HS6ST3: variants seen among roughly 807,000 people sequenced by gnomAD.
The protein encoded by HS6ST3 is heparan sulfate 6-O-sulfotransferase 3.
HS6ST3 carries 12 observed loss-of-function variants against 36.7 expected under a neutral mutation model. That is an observed-to-expected ratio of 0.33 (90% confidence interval 0.21 to 0.53). HS6ST3 has a LOEUF of 0.53. Among genes scored for constraint, HS6ST3 ranks in the 20% least tolerant of loss-of-function variants. The pLI is 0.95. For synonymous variants in HS6ST3, 240 were observed against 257.5 expected (o/e 0.93, Z 0.65); for missense variants, 584 against 640.9 (o/e 0.91, Z 0.96).
chr13:96,146,122 G>A lies in HS6ST3; in HGVS notation c.707+54553G>A, dbSNP rs188741137. ...AGCTTTGTTCTTTTGGCTTAGGATTGTCTTGGCAATGCAGGCTCTTTTTTG... is the reference window on the plus strand; with the variant it reads ...AGCTTTGTTCTTTTGGCTTAGGATTATCTTGGCAATGCAGGCTCTTTTTTG... On this transcript the variant is annotated intron_variant, in intron 1 of 1. Transcript: ENST00000376705. Among the ~76,000 whole-genome samples the A allele has an allele frequency of 7.9e-4, 121 of 152,278 alleles. 2 individuals are homozygous for A. Among genetic ancestry groups the A allele is most frequent in the African/African-American group, 2.8e-3 (117 of 41,566 alleles).
At chr13:96,314,998 A>C (rs1183838095) in intron 1 of HS6ST3, among the ~76,000 whole-genome samples, 1 of 152,172 alleles carries the variant, frequency 6.6e-6, no homozygotes, top group Non-Finnish European at 1.5e-5. Context: ...GAAACTATTA[A>C]ATTTCCCAAG....
At chr13:96,183,392 G>C (rs1043411063) in intron 1 of HS6ST3, among the ~76,000 whole-genome samples, 1 of 152,136 alleles carries the variant, frequency 6.6e-6, no homozygotes, top group African/African-American at 2.4e-5. Flanking sequence ...TGTTCAGTGT[G>C]CCTTAGGGGA....
chr13:96,476,551 C>T (rs1001089708), intron 1 of HS6ST3, among the ~76,000 whole-genome samples: 3 of 152,140 alleles, frequency 2.0e-5, no homozygotes, highest in Non-Finnish European at 2.9e-5. Flanking sequence ...TTAGTAGAGA[C>T]GGGGTTTCAC....
At position 96,837,258 on chromosome 13, in the gene HS6ST3, A is replaced by C. The variant is rs1878950359; in HGVS notation, c.*4060A>C. The C allele has an allele frequency of 6.6e-6, 1 of 152,228 alleles. No individual in the cohort carries two copies. Among genetic ancestry groups the C allele is most frequent in the African/African-American group, 2.4e-5 (1 of 41,460 alleles). The allele number at this position is 152,228 out of a possible 1,614,324, so 9.4% of individuals were successfully genotyped here. ...TTCATCATATGTTTTGCGAAAGATAAGACTAAAATTCATCACTTTGTGTAG... is the reference window on the plus strand; with the variant it reads ...TTCATCATATGTTTTGCGAAAGATACGACTAAAATTCATCACTTTGTGTAG... On this transcript the variant is annotated 3_prime_UTR_variant, in exon 2 of 2. Coordinates refer to ENST00000376705, the MANE Select transcript of HS6ST3 (RefSeq NM_153456.4).
intron 1 of HS6ST3, among the ~76,000 whole-genome samples, chr13:96,637,241 A>T (rs1029275146): frequency 1.3e-5 from 2 of 152,120 alleles, no homozygotes; most frequent in African/African-American, 4.8e-5. Flanking sequence ...ACCTTACCAG[A>T]TTGGTATGAT....
intron 1 of HS6ST3, among the ~76,000 whole-genome samples, chr13:96,732,950 T>C (rs1032092200): frequency 1.3e-5 from 2 of 152,236 alleles, no homozygotes; most frequent in Non-Finnish European, 1.5e-5. Context: ...TTGCTGTTAG[T>C]GTATAGAAAT....
intron 1 of HS6ST3, among the ~76,000 whole-genome samples, chr13:96,698,596 A>G (rs1452320060): frequency 6.6e-6 from 1 of 152,186 alleles, no homozygotes; most frequent in Non-Finnish European, 1.5e-5. Flanking sequence ...CCATTGATCA[A>G]TAAAATGAGA....
At chr13:96,097,756 T>C (rs1379588569) in intron 1 of HS6ST3, among the ~76,000 whole-genome samples, 2 of 152,220 alleles carry the variant, frequency 1.3e-5, no homozygotes, top group East Asian at 1.9e-4. Flanking sequence ...TTGGACAGTG[T>C]TATTTGTTTT....
intron 1 of HS6ST3, among the ~76,000 whole-genome samples, chr13:96,199,384 T>G (rs771406523): frequency 6.6e-6 from 1 of 152,244 alleles, no homozygotes; most frequent in Non-Finnish European, 1.5e-5. Flanking sequence ...ATTACTTTAC[T>G]TTAAAAAGGA....
intron 1 of HS6ST3, among the ~76,000 whole-genome samples, chr13:96,181,262 A>C (rs1292976172): frequency 6.6e-6 from 1 of 152,086 alleles, no homozygotes; most frequent in Non-Finnish European, 1.5e-5. Flanking sequence ...TTTTCCCCCA[A>C]ACTTTCAACT....
chr13:96,730,203 C>A (rs1358256573), intron 1 of HS6ST3, among the ~76,000 whole-genome samples: 1 of 152,180 alleles, frequency 6.6e-6, no homozygotes, highest in African/African-American at 2.4e-5. Flanking sequence ...AGTTGTGGCT[C>A]AAACTGAATC....
chr13:96,235,635 G>A (rs1266369216), intron 1 of HS6ST3, among the ~76,000 whole-genome samples: 5 of 151,916 alleles, frequency 3.3e-5, no homozygotes, highest in Non-Finnish European at 5.9e-5. Flanking sequence ...TAAAGATTTA[G>A]CAATCTCCTC....
rs397773858 is a variant in HS6ST3, at chr13:96,112,578, A to AATATACATAC, written c.707+21014_707+21015insCATACATATA. 9.8e-5 allele frequency among the ~76,000 whole-genome samples: 8 copies of AATATACATAC among 81,248 alleles called. 2 individuals carry two copies. Among genetic ancestry groups the AATATACATAC allele is most frequent in the South Asian group, 8.9e-4 (2 of 2,248 alleles). The allele number at this position is 81,248 out of a possible 152,430, so 53.3% of individuals were successfully genotyped here. On this transcript the variant is annotated intron_variant, in intron 1 of 1. Coordinates refer to ENST00000376705, the MANE Select transcript of HS6ST3 (RefSeq NM_153456.4). ...TAAAACCCCATCTCTAAAATAAATA[A>AATATACATAC]ATATATATATATATATATATATATA...
At position 96,391,463 on chromosome 13, in the gene HS6ST3, C is replaced by T. The variant is rs192902868; in HGVS notation, c.707+299894C>T. ...ATATGCATGTTCTCAGCTGGGATCACACAAAGCAACAGACACTTTGCCTTC... is the reference window on the plus strand; with the variant it reads ...ATATGCATGTTCTCAGCTGGGATCATACAAAGCAACAGACACTTTGCCTTC... On this transcript the variant is annotated intron_variant, in intron 1 of 1. Transcript: ENST00000376705. 4.6e-5 allele frequency among the ~76,000 whole-genome samples: 7 copies of T among 152,300 alleles called. No individual in the cohort carries two copies. The East Asian group carries it at 5.8e-4, about 13-fold the overall frequency.
At chr13:96,681,847 C>G (rs1336490296) in intron 1 of HS6ST3, among the ~76,000 whole-genome samples, 1 of 152,114 alleles carries the variant, frequency 6.6e-6, no homozygotes, top group Admixed American at 6.6e-5. Flanking sequence ...CATGCCTCAT[C>G]TAGAAATCTT....
At chr13:96,342,733 C>G (rs2055136710) in intron 1 of HS6ST3, among the ~76,000 whole-genome samples, 1 of 152,128 alleles carries the variant, frequency 6.6e-6, no homozygotes, top group African/African-American at 2.4e-5. Flanking sequence ...GCTTAATTAT[C>G]AGCTAAAAAT....
Position 96,365,850 on chromosome 13 carries a change from AG to A in HS6ST3, c.707+274282del, listed in dbSNP as rs561249575. Among the ~76,000 whole-genome samples the A allele has an allele frequency of 8.5e-3, 1,294 of 152,330 alleles. 9 individuals carry two copies. The highest frequency in any genetic ancestry group is 0.034 in the South Asian group (165 of 4,834). ...AAAAAAATCGAGATTTTTGTGTTAC[AG>A]TTTCACCACTTACTAGCTGATACAC... is the stretch of plus-strand genomic sequence containing the variant. On this transcript the variant is annotated intron_variant, in intron 1 of 1. Transcript: ENST00000376705.
In HS6ST3 at chr13:96,587,896, G is replaced by A. The variant is rs185438384; in HGVS notation, c.708-244594G>A. 1.3e-3 allele frequency among the ~76,000 whole-genome samples: 200 copies of A among 152,216 alleles called. 1 individual carries two copies. Among genetic ancestry groups the A allele is most frequent in the African/African-American group, 4.6e-3 (190 of 41,548 alleles). On this transcript the variant is annotated intron_variant, in intron 1 of 1. Coordinates refer to ENST00000376705, the MANE Select transcript of HS6ST3 (RefSeq NM_153456.4). ...TTCTAAGCTATGAACACAGGATATC[G>A]TTTCATTTGTTTGTACTATCTTCAA...
At chr13:96,439,202 A>T (rs1594780625) in intron 1 of HS6ST3, among the ~76,000 whole-genome samples, 1 of 152,358 alleles carries the variant, frequency 6.6e-6, no homozygotes, top group African/African-American at 2.4e-5. Context: ...CTATGGTTCT[A>T]GTTCTAGCTC....
Sources: allele counts gnomAD v4.1 joint callset (sites outside exome capture counted in the v4.1 genomes callset), GRCh38; gene constraint gnomAD v4.1.1; transcripts MANE v1.5; gene names NCBI Gene and HGNC (gene_info 2026-07-23, HGNC 2026-07-21).